The following PLEKHG5 variants were observed in gnomAD, a reference collection of about 807,000 sequenced individuals.
PLEKHG5 encodes the protein pleckstrin homology and RhoGEF domain containing G5.
Under a neutral mutation model 103.8 loss-of-function variants are expected in PLEKHG5, and 52 were observed. The observed-to-expected ratio is 0.50, with a 90% CI of 0.40 to 0.63. PLEKHG5 has a LOEUF of 0.63. Ranked by LOEUF, PLEKHG5 falls within the 30% of genes least tolerant of loss-of-function variation. The pLI, the probability that PLEKHG5 is intolerant of heterozygous loss-of-function variation, is 0.00. For missense variants in PLEKHG5, 1,205 were observed against 1,347.6 expected (o/e 0.89, Z 1.66); for synonymous variants, 592 against 575.5 (o/e 1.03, Z -0.41).
intron 1 of PLEKHG5, among the ~76,000 whole-genome samples, chr1:6,512,368 C>T (rs1638497850): frequency 6.6e-6 from 1 of 152,232 alleles, no homozygotes. Context: ...AGATGTGCCC[C>T]CTGACTTGGA....
Position 6,469,058 on chromosome 1 carries a change from G to T in PLEKHG5, c.2233C>A (p.Pro745Thr), listed in dbSNP as rs756501907. 7 of 1,613,454 alleles carry T rather than the reference G, an allele frequency of 4.3e-6. No individual in the cohort carries two copies. The highest frequency in any genetic ancestry group is 5.9e-6 in the Non-Finnish European group (7 of 1,179,920). The change falls in exon 19 of 21, where the codon CCC (proline) becomes ACC (threonine). Residue 745 changes from proline (P) to threonine (T), a missense_variant. Transcript: ENST00000377728. ...PTIMRKSSGS[P>T]DSQHCASDGS... ...CAGACGTACCAGTGCTGAGAGTCGG[G>T]GCTGCCGCTGCTTTTCCGCATGATG...
chr1:6,491,769 G>T, upstream of PLEKHG5: 1 of 869,506 alleles, frequency 1.2e-6, no homozygotes, highest in Non-Finnish European at 1.4e-6. This position sits in a 1 kb window ranked among gnomAD's most constrained non-coding sequence, Gnocchi z 4.1. Flanking sequence ...TTGTTAAGCT[G>T]CAAGGGAACT....
At chr1:6,515,657 C>G (rs1459651846) in intron 1 of PLEKHG5, among the ~76,000 whole-genome samples, 1 of 151,344 alleles carries the variant, frequency 6.6e-6, no homozygotes, top group East Asian at 1.9e-4. Context: ...AAGACTCTGT[C>G]TCAGCAAAAA....
Position 6,469,332 on chromosome 1 carries a change from C to T in PLEKHG5, c.2049+3G>A. The T allele has an allele frequency of 6.2e-7, 1 of 1,613,664 alleles. No homozygotes were observed. The highest frequency in any genetic ancestry group is 1.1e-5 in the South Asian group (1 of 91,030). ...GCCCACCCACTCACTACTCTGCACT[C>T]ACCTGGGCATTGTAAATGGTGTCCA... On this transcript the variant is annotated splice_donor_region_variant and intron_variant, in intron 18 of 20. Transcript: ENST00000377728.
chr1:6,487,084 G>A lies in PLEKHG5; in HGVS notation c.-88+4553C>T, dbSNP rs1645055993. ...ACTCCCAAAGCCCAGGTCACCCACT[G>A]TCTACACCACAGGCAGAGTTGTGTT... On this transcript the variant is annotated intron_variant, in intron 1 of 20. Coordinates refer to ENST00000377728, the MANE Select transcript of PLEKHG5 (RefSeq NM_020631.6). This position sits in a 1 kb window ranked among gnomAD's most constrained non-coding sequence, Gnocchi z 4.1. Among the ~76,000 whole-genome samples, 1 of 152,068 alleles carries A rather than the reference G, an allele frequency of 6.6e-6. No homozygotes were observed. Among genetic ancestry groups the A allele is most frequent in the African/African-American group, 2.4e-5 (1 of 41,382 alleles).
intron 6 of PLEKHG5, 133 bp downstream of exon 6, chr1:6,474,318 C>G: frequency 7.5e-7 from 1 of 1,340,836 alleles, no homozygotes; most frequent in African/African-American, 1.4e-5. Flanking sequence ...CAGCAGCATC[C>G]AGCAGAGACA....
At chr1:6,493,952 G>T (rs371170270), upstream of PLEKHG5, among the ~76,000 whole-genome samples, 1 of 149,960 alleles carries the variant, frequency 6.7e-6, no homozygotes, top group Admixed American at 6.7e-5. Context: ...GAGCCCCTGC[G>T]CCTGGCCTGT....
At chr1:6,477,462 C>T in intron 2 of PLEKHG5, 67 bp downstream of exon 2, 1 of 1,551,300 alleles carries the variant, frequency 6.4e-7, no homozygotes, top group South Asian at 1.1e-5. Context: ...TAGCACGTTT[C>T]CGACAGTTAC....
In PLEKHG5 at chr1:6,470,654, G is replaced by T; in HGVS notation, c.1543-11C>A. 6.4e-7 allele frequency: 1 copy of T among 1,563,576 alleles called. No homozygotes were observed. On this transcript the variant is annotated splice_polypyrimidine_tract_variant and intron_variant, in intron 14 of 20. Coordinates refer to ENST00000377728, the MANE Select transcript of PLEKHG5 (RefSeq NM_020631.6). Reference sequence around the variant, plus strand: ...CTCCACGGAGCCGATCTAGGGGCAGGTGAGGGAGCTTCAGGTCCAGGGTCA... The same window carrying T: ...CTCCACGGAGCCGATCTAGGGGCAGTTGAGGGAGCTTCAGGTCCAGGGTCA...
intron 1 of PLEKHG5, among the ~76,000 whole-genome samples, chr1:6,507,073 C>T (rs1289850344): frequency 2.6e-5 from 4 of 152,182 alleles, no homozygotes; most frequent in Non-Finnish European, 5.9e-5. Context: ...AAATGAAAAG[C>T]CACTGGTCAG....
At chr1:6,506,491 C>T (rs1638326638) in intron 1 of PLEKHG5, among the ~76,000 whole-genome samples, 2 of 152,184 alleles carry the variant, frequency 1.3e-5, no homozygotes, top group Admixed American at 1.3e-4. Flanking sequence ...GAAAAGAGTG[C>T]GATTGTTTCG....
chr1:6,503,197 T>C (rs1645314927), intron 1 of PLEKHG5, among the ~76,000 whole-genome samples: 1 of 152,092 alleles, frequency 6.6e-6, no homozygotes, highest in South Asian at 2.1e-4. Context: ...AGAAGGATCA[T>C]TTTAGTCCAG....
chr1:6,506,048 C>T (rs574849740), intron 1 of PLEKHG5: 27 of 152,692 alleles, frequency 1.8e-4, no homozygotes, highest in African/African-American at 5.5e-4. Context: ...CGATGATGTC[C>T]AGGGTGGAGC....
upstream of PLEKHG5, among the ~76,000 whole-genome samples, chr1:6,497,660 G>T (rs1159626885): frequency 6.6e-6 from 1 of 152,080 alleles, no homozygotes; most frequent in Non-Finnish European, 1.5e-5. The surrounding 1 kb of genome is among the most constrained non-coding windows in gnomAD (Gnocchi z 6.1). Flanking sequence ...CCATCCACGC[G>T]GAGGGTGCCT....
intron 1 of PLEKHG5, among the ~76,000 whole-genome samples, chr1:6,507,986 G>T (rs1349925587): frequency 6.6e-6 from 1 of 152,194 alleles, no homozygotes; most frequent in Non-Finnish European, 1.5e-5. Flanking sequence ...CATAGCAGAG[G>T]CCAGGGCCAG....
chr1:6,516,916 A>ACC (rs1397073495), intron 1 of PLEKHG5, among the ~76,000 whole-genome samples: 27 of 140,242 alleles, frequency 1.9e-4, no homozygotes, highest in African/African-American at 2.5e-4. Context: ...ACACACACAC[A>ACC]CACACACACA....
At position 6,472,864 on chromosome 1, in the gene PLEKHG5, A is replaced by G. The variant is rs968970231; in HGVS notation, c.984+122T>C. On this transcript the variant is annotated intron_variant, in intron 9 of 20. Coordinates refer to ENST00000377728, the MANE Select transcript of PLEKHG5 (RefSeq NM_020631.6). ...TTTCATCTAGCCTCAGTGTCTCCAA[A>G]GTGGGCTAATGGTAACAGTGGCCTC... The G allele has an allele frequency of 1.4e-5, 13 of 934,474 alleles. 1 individual carries two copies. In the South Asian group the frequency reaches 1.7e-4, roughly 12 times the overall value. 57.9% of individuals were successfully genotyped at this position (934,474 alleles called of 1,614,324 possible).
chr1:6,497,635 CTG>C (rs1215688980), upstream of PLEKHG5, among the ~76,000 whole-genome samples: 1 of 152,098 alleles, frequency 6.6e-6, no homozygotes, highest in East Asian at 1.9e-4. This position sits in a 1 kb window ranked among gnomAD's most constrained non-coding sequence, Gnocchi z 6.1. Context: ...GCGCACGGCT[CTG>C]TCCTGGAGGG....
chr1:6,518,582 G>GA (rs1638692508), intron 1 of PLEKHG5, among the ~76,000 whole-genome samples: 1 of 149,772 alleles, frequency 6.7e-6, no homozygotes, highest in Admixed American at 6.7e-5. Context: ...AAAAGAAAAA[G>GA]AAAAAAGAAA....
Sources: gnomAD v4.1 joint callset for allele counts (sites outside exome capture counted in the v4.1 genomes callset) on GRCh38, gnomAD v4.1.1 for gene constraint, Gnocchi (gnomAD v3.1) non-coding constraint, MANE v1.5 for transcripts, NCBI Gene and HGNC (gene_info 2026-07-23, HGNC 2026-07-21) for gene names.